Variants in PRKN observed in about 807,000 individuals in gnomAD.
PRKN encodes the protein E3 ubiquitin-protein ligase parkin.
Under a neutral mutation model 59.5 loss-of-function variants are expected in PRKN, and 56 were observed. The ratio of observed to expected loss-of-function variants is 0.94; its 90% CI spans 0.76 to 1.18. The LOEUF is 1.18. Among genes scored for constraint, PRKN ranks in the 50% most tolerant of loss-of-function variants. The pLI is 0.00. For synonymous variants in PRKN, 250 were observed against 222.1 expected, an observed-to-expected ratio of 1.13 and a Z score of -1.12; for missense variants, 657 against 596.4, an observed-to-expected ratio of 1.10 and a Z score of -1.06.
intron 1 of PRKN, among the ~76,000 whole-genome samples, chr6:162,583,369 T>A (rs13220181): frequency 0.12 from 18,717 of 152,240 alleles, 1,264 homozygotes; most frequent in Middle Eastern, 0.2. Context: ...AGTGACCAGC[T>A]AGGACAGAAA....
At chr6:162,625,204 T>C (rs935405928) in intron 1 of PRKN, among the ~76,000 whole-genome samples, 7 of 152,204 alleles carry the variant, frequency 4.6e-5, no homozygotes, top group Non-Finnish European at 2.9e-5. Context: ...AAACTCACGA[T>C]GAGCGTGTAA....
chr6:162,322,564 C>T (rs538745217), intron 2 of PRKN, among the ~76,000 whole-genome samples: 35 of 152,128 alleles, frequency 2.3e-4, no homozygotes, highest in Middle Eastern at 6.8e-3. Flanking sequence ...GAAATCAAGA[C>T]AATGTGGAAT....
At chr6:161,998,297 T>C (rs941634955) in intron 5 of PRKN, among the ~76,000 whole-genome samples, 20 of 152,102 alleles carry the variant, frequency 1.3e-4, no homozygotes, top group African/African-American at 4.8e-4. Context: ...CATAAATCTT[T>C]ATTCGTGCTA....
chr6:162,528,270 C>T (rs547747839), intron 1 of PRKN, among the ~76,000 whole-genome samples: 8 of 150,108 alleles, frequency 5.3e-5, no homozygotes, highest in African/African-American at 1.7e-4. Context: ...TGCAGTGAGC[C>T]GAGATTGTAC....
Position 162,568,884 on chromosome 6 carries a change from G to A in PRKN, c.8-125411C>T, listed in dbSNP as rs146913307. 26 of 697,556 alleles carry A rather than the reference G, an allele frequency of 3.7e-5. No homozygotes were observed. The East Asian group carries it at 5.8e-4, about 15-fold the overall frequency. The allele number at this position is 697,556 out of a possible 1,614,324, so 43.2% of individuals were successfully genotyped here. ...CAATAAGTGTACAGAGATGGAGAAT[G>A]AATTTATCCTCATCAGGAAGGACAT... On this transcript the variant is annotated intron_variant, in intron 1 of 11. Transcript: ENST00000366898.
Position 161,548,641 on chromosome 6 carries a change from A to G in PRKN, c.1083+213T>C. 1.8e-6 allele frequency: 1 copy of G among 564,622 alleles called. No homozygotes were observed. Among genetic ancestry groups the G allele is most frequent in the African/African-American group, 1.9e-5 (1 of 53,214 alleles). 35.0% of individuals were successfully genotyped at this position (564,622 alleles called of 1,614,324 possible). ...CTTCCATAAGCAACCAAAGCAGAAA[A>G]TCTTCATATAACTGTTTTCACCAAA... On this transcript the variant is annotated intron_variant, in intron 9 of 11. Coordinates refer to ENST00000366898, the MANE Select transcript of PRKN (RefSeq NM_004562.3). The surrounding 1 kb of genome is among the most constrained non-coding windows in gnomAD (Gnocchi z 4.2).
intron 1 of PRKN, among the ~76,000 whole-genome samples, chr6:162,528,538 T>C (rs1403628932): frequency 1.3e-5 from 2 of 152,208 alleles, no homozygotes; most frequent in East Asian, 1.9e-4. Flanking sequence ...TGAAGGTTAG[T>C]ATTGTCTTAT....
chr6:162,561,082 G>A (rs530807553), intron 1 of PRKN, among the ~76,000 whole-genome samples: 84 of 152,260 alleles, frequency 5.5e-4, no homozygotes, highest in African/African-American at 1.9e-3. Flanking sequence ...GCGACGGGGA[G>A]AAATCCATGG....
At chr6:162,304,432 A>G (rs545168159) in intron 2 of PRKN, among the ~76,000 whole-genome samples, 1 of 150,958 alleles carries the variant, frequency 6.6e-6, no homozygotes, top group Non-Finnish European at 1.5e-5. Context: ...ACATAAACAT[A>G]CTTCTTGGAA....
At chr6:162,342,985 A>T (rs1784251396) in intron 2 of PRKN, among the ~76,000 whole-genome samples, 1 of 152,160 alleles carries the variant, frequency 6.6e-6, no homozygotes, top group Non-Finnish European at 1.5e-5. Flanking sequence ...AAAAAAAAGT[A>T]TCCATGAAAG....
chr6:162,321,781 A>G (rs1212243827), intron 2 of PRKN, among the ~76,000 whole-genome samples: 1 of 152,028 alleles, frequency 6.6e-6, no homozygotes, highest in Non-Finnish European at 1.5e-5. Context: ...GGTTTAAAAT[A>G]AAAGCATCTG....
chr6:162,298,375 T>C (rs1781778703), intron 2 of PRKN, among the ~76,000 whole-genome samples: 1 of 152,088 alleles, frequency 6.6e-6, no homozygotes, highest in Non-Finnish European at 1.5e-5. Flanking sequence ...CTAACAATAG[T>C]AACAGCTTCG....
chr6:162,593,736 G>C (rs1250290724), intron 1 of PRKN, among the ~76,000 whole-genome samples: 1 of 152,198 alleles, frequency 6.6e-6, no homozygotes, highest in Non-Finnish European at 1.5e-5. Flanking sequence ...AGTCAGGATA[G>C]GGCAGGGACA....
intron 7 of PRKN, among the ~76,000 whole-genome samples, chr6:161,585,911 T>C (rs919196425): frequency 3.3e-5 from 5 of 152,166 alleles, no homozygotes; most frequent in African/African-American, 1.2e-4. Flanking sequence ...CTCTTATGTA[T>C]GTATTTATTT....
Position 162,154,209 on chromosome 6 carries a change from G to T in PRKN, c.534+46922C>A, listed in dbSNP as rs116689201. Among the ~76,000 whole-genome samples the T allele has an allele frequency of 9.0e-3, 1,369 of 152,192 alleles. 24 individuals are homozygous for T. Among genetic ancestry groups the T allele is most frequent in the African/African-American group, 0.031 (1,292 of 41,522 alleles). ...CAGTGCTGCTGAAGACACCCGCATC[G>T]CCTCTGCATTTCCTGTCTGATTTCC... On this transcript the variant is annotated intron_variant, in intron 4 of 11. Coordinates refer to ENST00000366898, the MANE Select transcript of PRKN (RefSeq NM_004562.3).
rs887756626 is a variant in PRKN, at chr6:161,348,647, C to T, written c.*1452G>A. 8 of 210,346 alleles carry T rather than the reference C, an allele frequency of 3.8e-5. No individual in the cohort carries two copies. Among genetic ancestry groups the T allele is most frequent in the African/African-American group, 1.6e-4 (7 of 43,934 alleles). The allele number at this position is 210,346 out of a possible 1,614,324, so 13.0% of individuals were successfully genotyped here. On this transcript the variant is annotated 3_prime_UTR_variant, in exon 12 of 12. Coordinates refer to ENST00000366898, the MANE Select transcript of PRKN (RefSeq NM_004562.3). This position sits in a 1 kb window ranked among gnomAD's most constrained non-coding sequence, Gnocchi z 4.9. ...CTTCCCTCCAGCAAGGATTTCAGTG[C>T]TACATCTAAAAAGAGAAGCCCTGTT...
intron 2 of PRKN, among the ~76,000 whole-genome samples, chr6:162,344,995 A>C (rs1162027384): frequency 2.0e-5 from 3 of 152,164 alleles, no homozygotes; most frequent in Admixed American, 2.0e-4. Context: ...AAGGTAAAGA[A>C]TTTTCCTAGG....
chr6:162,161,518 A>G (rs1442162491), intron 4 of PRKN, among the ~76,000 whole-genome samples: 1 of 152,218 alleles, frequency 6.6e-6, no homozygotes, highest in Non-Finnish European at 1.5e-5. Flanking sequence ...CACTCTGAGT[A>G]GCATGATGAA....
intron 1 of PRKN, among the ~76,000 whole-genome samples, chr6:162,573,689 T>C (rs1780443216): frequency 6.6e-6 from 1 of 152,202 alleles, no homozygotes; most frequent in East Asian, 1.9e-4. Context: ...ACCCACCCCT[T>C]CCTAGTTAAA....
Sources: allele counts gnomAD v4.1 joint callset (sites outside exome capture counted in the v4.1 genomes callset), GRCh38; gene constraint gnomAD v4.1.1; non-coding constraint Gnocchi (gnomAD v3.1); transcripts MANE v1.5; gene names NCBI Gene and HGNC (gene_info 2026-07-23, HGNC 2026-07-21).